Variants in ASXL3 observed in about 807,000 individuals in gnomAD.
The protein encoded by ASXL3 is putative Polycomb group protein ASXL3.
ASXL3 carries 34 observed loss-of-function variants against 170.6 expected under a neutral mutation model. That is an observed-to-expected ratio of 0.20 (90% CI 0.15 to 0.27). The LOEUF (loss-of-function observed/expected upper bound fraction) is 0.27. Among genes scored for constraint, ASXL3 ranks in the 10% least tolerant of loss-of-function variants. ASXL3 has a pLI of 1.00. For synonymous variants in ASXL3, 1,002 were observed against 989.1 expected (o/e 1.01, Z -0.24); for missense variants, 2,592 against 2,695.3 (o/e 0.96, Z 0.85).
intron 1 of ASXL3, among the ~76,000 whole-genome samples, chr18:33,602,110 CT>C (rs1453579081): frequency 6.6e-6 from 1 of 151,696 alleles, no homozygotes; most frequent in African/African-American, 2.4e-5. Context: ...GCTGATTGTT[CT>C]TAAGTGTGAA....
chr18:33,683,406 G>A lies in ASXL3; in HGVS notation c.717G>A (p.Gly239=), dbSNP rs2066544999. The change falls in exon 8 of 12, where the codon GGG becomes GGA. Residue 239 remains glycine, a splice_region_variant and synonymous_variant. Transcript: ENST00000269197. Reference sequence around the variant, plus strand: ...ATGCCTCTTGCTTGTTCATCACAGGGCACTTGAAATGGACCAAAGCTGAGG... The same window carrying A: ...ATGCCTCTTGCTTGTTCATCACAGGACACTTGAAATGGACCAAAGCTGAGG... ...HLKRLKKSGL[G]HLKWTKAEDI... 5 of 1,610,428 alleles carry A rather than the reference G, an allele frequency of 3.1e-6. 1 individual carries two copies. The South Asian group carries it at 5.5e-5, about 18-fold the overall frequency.
intron 1 of ASXL3, among the ~76,000 whole-genome samples, chr18:33,583,430 A>G (rs929344436): frequency 6.6e-6 from 1 of 152,230 alleles, no homozygotes; most frequent in Non-Finnish European, 1.5e-5. Flanking sequence ...TGGTCTGCAC[A>G]TAGCATCATT....
At chr18:33,621,047 A>G (rs1436976577) in intron 2 of ASXL3, among the ~76,000 whole-genome samples, 1 of 152,156 alleles carries the variant, frequency 6.6e-6, no homozygotes, top group Non-Finnish European at 1.5e-5. Flanking sequence ...TTCAAAACAG[A>G]TCATTCAAAA....
chr18:33,709,738 C>T (rs1470326407), intron 8 of ASXL3, among the ~76,000 whole-genome samples: 1 of 152,160 alleles, frequency 6.6e-6, no homozygotes, highest in Non-Finnish European at 1.5e-5. Flanking sequence ...CATTCACTTT[C>T]TATATATGTT....
rs545325254 is a variant in ASXL3, at chr18:33,699,437, C to T, written c.879+15869C>T. On this transcript the variant is annotated intron_variant, in intron 8 of 11. Coordinates refer to ENST00000269197, the MANE Select transcript of ASXL3 (RefSeq NM_030632.3). ...GGGCACAGTAATAAATTTGAACTGGCAAATGAAAGAATAGGCAAATTTGAA... is the reference window on the plus strand; with the variant it reads ...GGGCACAGTAATAAATTTGAACTGGTAAATGAAAGAATAGGCAAATTTGAA... 7.2e-5 allele frequency among the ~76,000 whole-genome samples: 11 copies of T among 152,116 alleles called. No individual in the cohort carries two copies. The South Asian group carries it at 2.1e-3, about 29-fold the overall frequency.
At chr18:33,680,723 A>AT (rs1005598270) in intron 7 of ASXL3, among the ~76,000 whole-genome samples, 1 of 151,860 alleles carries the variant, frequency 6.6e-6, no homozygotes, top group African/African-American at 2.4e-5. Context: ...CTAATAATAT[A>AT]TTTTTTTACC....
intron 8 of ASXL3, among the ~76,000 whole-genome samples, chr18:33,691,368 C>A (rs2066683786): frequency 6.6e-6 from 1 of 152,108 alleles, no homozygotes; most frequent in Admixed American, 6.6e-5. Context: ...TAGGCCATAC[C>A]TTTTTAAGTC....
intron 2 of ASXL3, among the ~76,000 whole-genome samples, chr18:33,628,107 T>A (rs1271645683): frequency 4.6e-5 from 7 of 152,034 alleles, no homozygotes; most frequent in Admixed American, 3.3e-4. Flanking sequence ...CAGTTTCTAT[T>A]TTTTTTAGCT....
intron 2 of ASXL3, among the ~76,000 whole-genome samples, chr18:33,610,772 C>CT (rs1404254015): frequency 1.3e-5 from 2 of 151,748 alleles, no homozygotes; most frequent in African/African-American, 4.8e-5. Flanking sequence ...TTAGAAGCTT[C>CT]TTTTTGACAT....
At chr18:33,694,687 T>C (rs192408377) in intron 8 of ASXL3, among the ~76,000 whole-genome samples, 7 of 152,302 alleles carry the variant, frequency 4.6e-5, no homozygotes, top group Admixed American at 4.6e-4. Flanking sequence ...TATGTCTGTG[T>C]TGTCTATGGT....
At chr18:33,677,848 CTT>C (rs2066452371) in intron 7 of ASXL3, among the ~76,000 whole-genome samples, 1 of 152,024 alleles carries the variant, frequency 6.6e-6, no homozygotes, top group South Asian at 2.1e-4. Context: ...TCCCATTAGA[CTT>C]TATTCTTTGA....
intron 4 of ASXL3, among the ~76,000 whole-genome samples, chr18:33,652,173 G>A (rs1366382578): frequency 6.6e-6 from 1 of 151,856 alleles, no homozygotes; most frequent in Non-Finnish European, 1.5e-5. Flanking sequence ...AAATTTTATG[G>A]TCTATTTTAG....
chr18:33,700,440 A>G (rs1352666609), intron 8 of ASXL3, among the ~76,000 whole-genome samples: 1 of 150,304 alleles, frequency 6.7e-6, no homozygotes, highest in African/African-American at 2.5e-5. Flanking sequence ...CTGCCTGATC[A>G]CCACAGGTTC....
At chr18:33,602,182 C>G (rs1278021643) in intron 1 of ASXL3, among the ~76,000 whole-genome samples, 1 of 151,906 alleles carries the variant, frequency 6.6e-6, no homozygotes, top group African/African-American at 2.4e-5. Flanking sequence ...CTAACTAATG[C>G]CTAATTATCT....
intron 4 of ASXL3, among the ~76,000 whole-genome samples, chr18:33,660,120 A>G (rs2066148437): frequency 6.6e-6 from 1 of 152,060 alleles, no homozygotes; most frequent in Non-Finnish European, 1.5e-5. Context: ...CCATCTCTGC[A>G]GTTTCATTGG....
At position 33,744,908 on chromosome 18, in the gene ASXL3, C is replaced by G. The variant is rs547810734; in HGVS notation, c.5060C>G (p.Pro1687Arg). The stretch of plus-strand genomic sequence containing the variant: ...TTTAGAATGGACACTGAAGACTTCC[C>G]TGGCCCTGAGCTGCCTCCTCCGGCT... Reference protein sequence around the residue: ...KGFRMDTEDFPGPELPPPAAE... With the variant: ...KGFRMDTEDFRGPELPPPAAE... The change falls in exon 12 of 12, where the codon CCT (proline) becomes CGT (arginine). Residue 1687 changes from proline (P) to arginine (R), a missense_variant. By Grantham distance (103) the Pro-to-Arg change is moderately radical. Coordinates refer to ENST00000269197, the MANE Select transcript of ASXL3 (RefSeq NM_030632.3). 6.2e-7 allele frequency: 1 copy of G among 1,614,008 alleles called. No homozygotes were observed. Among genetic ancestry groups the G allele is most frequent in the East Asian group, 2.2e-5 (1 of 44,878 alleles).
intron 8 of ASXL3, among the ~76,000 whole-genome samples, chr18:33,715,160 C>T (rs2067142747): frequency 6.6e-6 from 1 of 152,130 alleles, no homozygotes; most frequent in Non-Finnish European, 1.5e-5. Context: ...GTCATTGTGT[C>T]CACACTCTGG....
At chr18:33,621,911 A>G (rs2065520777) in intron 2 of ASXL3, among the ~76,000 whole-genome samples, 1 of 152,110 alleles carries the variant, frequency 6.6e-6, no homozygotes, top group Middle Eastern at 3.2e-3. Flanking sequence ...TTTACATTAT[A>G]TTTTATGTTT....
At position 33,578,488 on chromosome 18, in the gene ASXL3, G is replaced by GCCGCCGCCA. The variant is rs1568260181; in HGVS notation, c.-136_-135insACCGCCGCC. ...CGCCGCCGCCGCCGCCGCCGCCGCC[G>GCCGCCGCCA]CCGCCGCCGCCACCGCCCGCGCGCC... On this transcript the variant is annotated 5_prime_UTR_variant, in exon 1 of 12. Transcript: ENST00000269197. 3.9e-6 allele frequency: 1 copy of GCCGCCGCCA among 253,958 alleles called. No homozygotes were observed. Among genetic ancestry groups the GCCGCCGCCA allele is most frequent in the Non-Finnish European group, 6.3e-6 (1 of 158,426 alleles). The allele number at this position is 253,958 out of a possible 1,614,324, so 15.7% of individuals were successfully genotyped here. A position where few individuals can be genotyped will look rare whatever the true frequency, so the allele number is the denominator to read the frequency against.
Sources: allele counts gnomAD v4.1 joint callset (sites outside exome capture counted in the v4.1 genomes callset), GRCh38; gene constraint gnomAD v4.1.1; transcripts MANE v1.5; gene names NCBI Gene and HGNC (gene_info 2026-07-23, HGNC 2026-07-21).